The following LGALS2 variants were observed in gnomAD, a reference collection of about 807,000 sequenced individuals.
LGALS2 encodes galectin-2.
In LGALS2, 7 loss-of-function variants were observed where a neutral mutation model predicts 10.1. That is an observed-to-expected ratio of 0.70 (90% CI 0.40 to 1.31). LGALS2 has a LOEUF of 1.31. Ranked by LOEUF, LGALS2 falls within the 50% of genes most tolerant of loss-of-function variation. LGALS2 has a pLI of 0.01. For missense variants in LGALS2, 167 were observed against 163.6 expected (o/e 1.02, Z -0.11); for synonymous variants, 86 against 64.2 (o/e 1.34, Z -1.63).
intron 1 of LGALS2, among the ~76,000 whole-genome samples, chr22:37,575,356 T>G (rs1601461057): frequency 6.6e-6 from 1 of 151,770 alleles, no homozygotes; most frequent in Non-Finnish European, 1.5e-5. Flanking sequence ...TATAGACGTG[T>G]GCCACCATGC....
intron 1 of LGALS2, among the ~76,000 whole-genome samples, chr22:37,578,411 G>T (rs1925748855): frequency 6.6e-6 from 1 of 152,186 alleles, no homozygotes; most frequent in South Asian, 2.1e-4. Context: ...CAAGGCTGAG[G>T]AGTGTGCCGC....
chr22:37,579,777 G>T, intron 1 of LGALS2, 123 bp downstream of exon 1: 1 of 1,057,064 alleles, frequency 9.5e-7, no homozygotes, highest in Non-Finnish European at 1.4e-6. Context: ...CAACTTCTTT[G>T]CTGCACAGAT....
chr22:37,572,640 G>A (rs1317609953), intron 1 of LGALS2, among the ~76,000 whole-genome samples: 1 of 151,738 alleles, frequency 6.6e-6, no homozygotes, highest in African/African-American at 2.4e-5. Flanking sequence ...GGTGGCAGGT[G>A]CCTGTAGTCC....
rs369355155 is a variant in LGALS2, at chr22:37,571,866, G to A, written c.72C>T (p.Ile24=). 42 of 1,613,996 alleles carry A rather than the reference G, an allele frequency of 2.6e-5. No homozygotes were observed. Among genetic ancestry groups the A allele is most frequent in the Admixed American group, 5.0e-5 (3 of 60,018 alleles). Residue 24 remains isoleucine (I), a synonymous_variant, in exon 2 of 4, where the codon ATC becomes ATT. Coordinates refer to ENST00000215886, the MANE Select transcript of LGALS2 (RefSeq NM_006498.3). ...PGSTLKITGS[I]ADGTDGFVIN... ...TTGCTCACCCATCAGTGCCATCGGC[G>A]ATGCTGCCTGTGATCTTCAGGGTTG...
intron 1 of LGALS2, among the ~76,000 whole-genome samples, chr22:37,577,561 T>A (rs1925727926): frequency 6.6e-6 from 1 of 151,140 alleles, no homozygotes; most frequent in African/African-American, 2.4e-5. Flanking sequence ...GTATTTTCAG[T>A]ACAGACAGGG....
At chr22:37,573,222 G>A (rs1925558065) in intron 1 of LGALS2, among the ~76,000 whole-genome samples, 1 of 152,126 alleles carries the variant, frequency 6.6e-6, no homozygotes, top group African/African-American at 2.4e-5. Context: ...AGTAAGACAA[G>A]ATCACGCCAC....
At chr22:37,571,404 G>A (rs1350044932) in intron 2 of LGALS2, among the ~76,000 whole-genome samples, 1 of 152,192 alleles carries the variant, frequency 6.6e-6, no homozygotes, top group Non-Finnish European at 1.5e-5. Context: ...AGGTGGTGAG[G>A]CCGCTGGTTC....
Position 37,579,901 on chromosome 22 carries a change from G to A in LGALS2, c.5C>T (p.Thr2Met), listed in dbSNP as rs145972959. The change falls in exon 1 of 4, where the codon ACG (threonine) becomes ATG (methionine). Residue 2 changes from threonine (T) to methionine (M), a missense_variant and splice_region_variant. Transcript: ENST00000215886. ...GCAGCAGGGGGCTAGTGTCCTCACC[G>A]TCATGGTGACAGCTCCTGGCGGCAG... M[T>M]GELEVKNMDM... is the part of the protein sequence containing the mutation. The A allele has an allele frequency of 4.0e-5, 64 of 1,610,678 alleles. No homozygotes were observed. Among genetic ancestry groups the A allele is most frequent in the East Asian group, 2.7e-4 (12 of 44,810 alleles).
At chr22:37,571,548 A>G (rs1293101299) in intron 2 of LGALS2, among the ~76,000 whole-genome samples, 2 of 152,130 alleles carry the variant, frequency 1.3e-5, no homozygotes, top group African/African-American at 4.8e-5. Flanking sequence ...GGCGTTCCCT[A>G]GAGGCACCTG....
At chr22:37,579,247 CAA>C (rs111697536) in intron 1 of LGALS2, among the ~76,000 whole-genome samples, 3 of 33,584 alleles carry the variant, frequency 8.9e-5, no homozygotes, top group East Asian at 7.8e-4. Flanking sequence ...GACTCCATCT[CAA>C]AAAAAAAAAA....
intron 1 of LGALS2, among the ~76,000 whole-genome samples, chr22:37,579,139 T>C (rs1395810306): frequency 7.0e-6 from 1 of 143,252 alleles, no homozygotes; most frequent in Admixed American, 7.3e-5. Flanking sequence ...TCCCAGCTAC[T>C]TGGGAGGCTG....
At chr22:37,579,247 C>CAAAAAAAAAAAA (rs111697536) in intron 1 of LGALS2, among the ~76,000 whole-genome samples, 2 of 33,566 alleles carry the variant, frequency 6.0e-5, no homozygotes, top group African/African-American at 2.1e-4. Flanking sequence ...GACTCCATCT[C>CAAAAAAAAAAAA]AAAAAAAAAA....
At chr22:37,576,924 C>A (rs1925699628) in intron 1 of LGALS2, among the ~76,000 whole-genome samples, 1 of 151,088 alleles carries the variant, frequency 6.6e-6, no homozygotes, top group African/African-American at 2.4e-5. Flanking sequence ...TTGTCCCCAC[C>A]CAACAGAGTC....
Position 37,571,935 on chromosome 22 carries a change from G to A in LGALS2, c.7-4C>T, listed in dbSNP as rs1388703373. 1 of 1,612,598 alleles carries A rather than the reference G, an allele frequency of 6.2e-7. No homozygotes were observed. The highest frequency in any genetic ancestry group is 8.5e-7 in the Non-Finnish European group (1 of 1,178,794). ...TGTTCTTAACCTCAAGTTCCCCCTG[G>A]GCCAACAGAGAAACATTCCACTCGA... is the stretch of plus-strand genomic sequence containing the variant. On this transcript the variant is annotated splice_region_variant and splice_polypyrimidine_tract_variant and intron_variant, in intron 1 of 3. Transcript: ENST00000215886.
intron 2 of LGALS2, among the ~76,000 whole-genome samples, chr22:37,571,079 C>A (rs943678390): frequency 2.6e-5 from 4 of 152,144 alleles, no homozygotes; most frequent in Non-Finnish European, 5.9e-5. Context: ...CTCCCTGTCA[C>A]TATGGGTGTG....
At chr22:37,575,367 C>T (rs2145821754) in intron 1 of LGALS2, among the ~76,000 whole-genome samples, 2 of 151,902 alleles carry the variant, frequency 1.3e-5, no homozygotes, top group South Asian at 4.2e-4. Context: ...GCCACCATGC[C>T]CAGCTAATTT....
At chr22:37,577,413 G>A (rs1232443742) in intron 1 of LGALS2, among the ~76,000 whole-genome samples, 1 of 148,926 alleles carries the variant, frequency 6.7e-6, no homozygotes, top group Non-Finnish European at 1.5e-5. Context: ...ACAGTGGCTC[G>A]ATCTCGGCTC....
intron 1 of LGALS2, among the ~76,000 whole-genome samples, chr22:37,573,171 T>C (rs1925556572): frequency 6.6e-6 from 1 of 152,064 alleles, no homozygotes; most frequent in African/African-American, 2.4e-5. Flanking sequence ...CTTGGGAGGC[T>C]GAGGCAGGAG....
intron 1 of LGALS2, among the ~76,000 whole-genome samples, chr22:37,576,191 A>G (rs1351537951): frequency 6.6e-6 from 1 of 152,024 alleles, no homozygotes; most frequent in Non-Finnish European, 1.5e-5. Flanking sequence ...GGTGGCTCAC[A>G]CCTGTAATCC....
Sources: allele counts gnomAD v4.1 joint callset (sites outside exome capture counted in the v4.1 genomes callset), GRCh38; gene constraint gnomAD v4.1.1; transcripts MANE v1.5; gene names NCBI Gene and HGNC (gene_info 2026-07-23, HGNC 2026-07-21).